The following SNX8 variants were observed in gnomAD, a reference collection of about 807,000 sequenced individuals.
SNX8 encodes sorting nexin-8.
In SNX8, 25 loss-of-function variants were observed where a neutral mutation model predicts 51.6. That is an observed-to-expected ratio of 0.48 (90% confidence interval 0.35 to 0.68). The LOEUF is 0.68. SNX8 is among the 30% of genes least tolerant of loss of function. The probability of loss-of-function intolerance (pLI) is 0.00; values close to 1 mark genes in which losing one functional copy is unlikely to be tolerated. For missense variants in SNX8, 695 were observed against 624.0 expected, an observed-to-expected ratio of 1.11 and a Z score of -1.21; for synonymous variants, 324 against 277.0, an observed-to-expected ratio of 1.17 and a Z score of -1.68.
intron 1 of SNX8, among the ~76,000 whole-genome samples, chr7:2,335,458 G>A (rs1318061223): frequency 6.6e-6 from 1 of 151,100 alleles, no homozygotes; most frequent in Admixed American, 6.6e-5. Context: ...AAACCCGCCT[G>A]GGCAACATAG....
intron 1 of SNX8, among the ~76,000 whole-genome samples, chr7:2,302,900 G>A (rs1288871800): frequency 2.7e-5 from 4 of 150,342 alleles, no homozygotes; most frequent in Admixed American, 6.6e-5. Context: ...GAGCCCCTCC[G>A]CCCGGCAGCC....
intron 1 of SNX8, among the ~76,000 whole-genome samples, chr7:2,342,640 C>T (rs956547015): frequency 4.0e-5 from 6 of 148,406 alleles, no homozygotes; most frequent in African/African-American, 9.9e-5. Context: ...GGCGACAGAG[C>T]GAGACTCCAT....
chr7:2,328,941 C>G (rs1778678341), intron 1 of SNX8, among the ~76,000 whole-genome samples: 1 of 152,046 alleles, frequency 6.6e-6, no homozygotes, highest in Non-Finnish European at 1.5e-5. Context: ...AAAAAGTTAG[C>G]CGGGCGTGTT....
intron 1 of SNX8, among the ~76,000 whole-genome samples, chr7:2,301,552 C>T (rs2115185237): frequency 6.6e-6 from 1 of 152,322 alleles, no homozygotes; most frequent in African/African-American, 2.4e-5. Flanking sequence ...CAGTGTTGCA[C>T]TCATATTTAT....
intron 7 of SNX8, among the ~76,000 whole-genome samples, chr7:2,262,645 T>C (rs1213337950): frequency 2.6e-5 from 4 of 152,184 alleles, no homozygotes; most frequent in Non-Finnish European, 5.9e-5. Context: ...CAAGATCATC[T>C]TTTCAAAGAC....
intron 1 of SNX8, among the ~76,000 whole-genome samples, chr7:2,346,251 A>AGGGCAGCCTG (rs145352523): frequency 5.8e-4 from 4 of 6,846 alleles, no homozygotes; most frequent in Non-Finnish European, 1.1e-3. Context: ...CAGAAGTTTG[A>AGGGCAGCCTG]GCTCACATAG....
chr7:2,316,172 C>G, upstream of SNX8, among the ~76,000 whole-genome samples: 1 of 151,120 alleles, frequency 6.6e-6, no homozygotes, highest in African/African-American at 2.4e-5. Flanking sequence ...TGCATTCATT[C>G]ACCCACTCAC....
chr7:2,271,646 T>A lies in SNX8; in HGVS notation c.540+204A>T, dbSNP rs570018538. Among the ~76,000 whole-genome samples the A allele has an allele frequency of 2.6e-5, 4 of 152,224 alleles. No individual in the cohort carries two copies. In the East Asian group the frequency reaches 7.7e-4, roughly 29 times the overall value. On this transcript the variant is annotated intron_variant, in intron 4 of 10. Transcript: ENST00000222990. ...ATCTCCACGCGGATTTACAAAATCC[T>A]GCAAAGTCAACACCAGGGACACCTC...
chr7:2,318,839 C>T (rs2115222009), upstream of SNX8, among the ~76,000 whole-genome samples: 1 of 139,456 alleles, frequency 7.2e-6, no homozygotes, highest in African/African-American at 2.9e-5. Flanking sequence ...TAGTGAGACC[C>T]CATCTCTAAA....
intron 1 of SNX8, among the ~76,000 whole-genome samples, chr7:2,343,896 A>G (rs1014422729): frequency 6.7e-6 from 1 of 150,240 alleles, no homozygotes; most frequent in Admixed American, 6.6e-5. Context: ...GTGCAGGCAC[A>G]GTGGTGCAGG....
At chr7:2,285,689 C>T (rs887328622) in intron 1 of SNX8, among the ~76,000 whole-genome samples, 2 of 152,102 alleles carry the variant, frequency 1.3e-5, no homozygotes, top group South Asian at 4.1e-4. Context: ...TTATTTGAGA[C>T]AGGATCTTTC....
At chr7:2,311,757 G>A (rs997894816) in intron 1 of SNX8, among the ~76,000 whole-genome samples, 8 of 152,024 alleles carry the variant, frequency 5.3e-5, no homozygotes, top group Non-Finnish European at 1.0e-4. Context: ...CTAACATGGT[G>A]AAACCCCGTC....
intron 1 of SNX8, among the ~76,000 whole-genome samples, chr7:2,282,993 A>C (rs75773372): frequency 0.15 from 22,862 of 150,022 alleles, 1,964 homozygotes; most frequent in Middle Eastern, 0.25. Context: ...TGGTGGCGGA[A>C]GCCTGTAGTC....
chr7:2,330,907 G>A (rs932472583), intron 1 of SNX8, among the ~76,000 whole-genome samples: 2 of 151,954 alleles, frequency 1.3e-5, no homozygotes, highest in African/African-American at 4.8e-5. Flanking sequence ...CCTAGACACC[G>A]GGCGCGGTGG....
At chr7:2,324,181 ACGTC>A in intron 1 of SNX8, among the ~76,000 whole-genome samples, 1 of 151,956 alleles carries the variant, frequency 6.6e-6, no homozygotes, top group African/African-American at 2.4e-5. Flanking sequence ...GCAGTGGCTC[ACGTC>A]TGTAATCATA....
At chr7:2,329,300 A>T (rs180704489) in intron 1 of SNX8, among the ~76,000 whole-genome samples, 64 of 151,040 alleles carry the variant, frequency 4.2e-4, no homozygotes, top group African/African-American at 1.3e-3. Flanking sequence ...TAAAAATAAA[A>T]AATAAATAAA....
intron 1 of SNX8, among the ~76,000 whole-genome samples, chr7:2,299,183 G>T (rs1263956624): frequency 6.6e-6 from 1 of 151,824 alleles, no homozygotes. Context: ...AACAGAGCAC[G>T]GGCCATCCAT....
At chr7:2,284,808 A>G (rs1370036658) in intron 1 of SNX8, among the ~76,000 whole-genome samples, 1 of 152,116 alleles carries the variant, frequency 6.6e-6, no homozygotes, top group Non-Finnish European at 1.5e-5. Context: ...GATGTCTTCA[A>G]TTTTCAATGT....
Position 2,275,247 on chromosome 7 carries a change from G to C in SNX8, c.301-18C>G, listed in dbSNP as rs568979540. 2.6e-6 allele frequency: 4 copies of C among 1,560,756 alleles called. No individual in the cohort carries two copies. The South Asian group carries it at 3.3e-5, about 13-fold the overall frequency. On this transcript the variant is annotated intron_variant, in intron 2 of 10. Coordinates refer to ENST00000222990, the MANE Select transcript of SNX8 (RefSeq NM_013321.4). ...TTGAAGCGCTGCAAGAGAAGGGTCG[G>C]TGCTTAGATCCGACGTTGGAAACTA... is the stretch of plus-strand genomic sequence containing the variant.
Sources: gnomAD v4.1 joint callset for allele counts (sites outside exome capture counted in the v4.1 genomes callset) on GRCh38, gnomAD v4.1.1 for gene constraint, MANE v1.5 for transcripts, NCBI Gene and HGNC (gene_info 2026-07-23, HGNC 2026-07-21) for gene names.